Variants in CD96 observed in about 807,000 individuals in gnomAD.
CD96 encodes T-cell surface protein tactile.
Under a neutral mutation model 71.3 loss-of-function variants are expected in CD96, and 70 were observed. The ratio of observed to expected loss-of-function variants is 0.98; its 90% confidence interval spans 0.81 to 1.20. The LOEUF (loss-of-function observed/expected upper bound fraction) is 1.20, where lower values mean the gene tolerates loss of function less well. CD96 is among the 50% of genes most tolerant of loss of function. CD96 has a pLI of 0.00. For synonymous variants in CD96, 248 were observed against 233.0 expected (o/e 1.06, Z -0.59); for missense variants, 742 against 677.5 (o/e 1.10, Z -1.06).
chr3:111,647,778 T>G (rs1243644645), intron 13 of CD96, 112 bp downstream of exon 13: 1 of 802,904 alleles, frequency 1.2e-6, no homozygotes, highest in Admixed American at 2.0e-5. Flanking sequence ...AATGGGGAAA[T>G]AATGCTCACA....
rs1386522813 is a variant in CD96 at position 111,651,854 on chromosome 3, A to G, written c.*2048A>G. ...CCGAGATTGTGCCACTGCACACTCCAATCTGGGTGAAAGACCGAGACTCCG... is the reference window on the plus strand; with the variant it reads ...CCGAGATTGTGCCACTGCACACTCCGATCTGGGTGAAAGACCGAGACTCCG... On this transcript the variant is annotated 3_prime_UTR_variant, in exon 14 of 14. Transcript: ENST00000352690. 6.6e-6 allele frequency: 1 copy of G among 150,974 alleles called. No homozygotes were observed. Among genetic ancestry groups the G allele is most frequent in the African/African-American group, 2.5e-5 (1 of 40,814 alleles). 9.4% of individuals were successfully genotyped at this position (150,974 alleles called of 1,614,324 possible). A position where few individuals can be genotyped will look rare whatever the true frequency, so the allele number is the denominator to read the frequency against.
intron 12 of CD96, among the ~76,000 whole-genome samples, chr3:111,639,400 A>T (rs557750389): frequency 6.6e-6 from 1 of 152,268 alleles, no homozygotes; most frequent in East Asian, 1.9e-4. Context: ...CAGCAAAGGC[A>T]GTCATAATTC....
intron 2 of CD96, among the ~76,000 whole-genome samples, chr3:111,546,345 T>G (rs905929834): frequency 6.6e-6 from 1 of 152,136 alleles, no homozygotes; most frequent in Admixed American, 6.6e-5. Context: ...GTATACAATA[T>G]TTAGTCTAGG....
chr3:111,592,032 T>G (rs1937013055), intron 5 of CD96, among the ~76,000 whole-genome samples: 1 of 152,164 alleles, frequency 6.6e-6, no homozygotes, highest in Non-Finnish European at 1.5e-5. Flanking sequence ...TCTGAGATAA[T>G]GGGATGCTGT....
chr3:111,655,476 A>G (rs1940206801), downstream of CD96, among the ~76,000 whole-genome samples: 1 of 152,220 alleles, frequency 6.6e-6, no homozygotes, highest in Non-Finnish European at 1.5e-5. Context: ...AATAATAAAG[A>G]AAAAGGTATG....
intron 2 of CD96, among the ~76,000 whole-genome samples, chr3:111,550,906 G>C (rs777407495): frequency 2.0e-5 from 3 of 152,188 alleles, no homozygotes; most frequent in Admixed American, 1.3e-4. Flanking sequence ...TTGGCTGCTT[G>C]AGTCTGGGCA....
chr3:111,561,135 T>G (rs1190505319), intron 2 of CD96, among the ~76,000 whole-genome samples: 6 of 118,650 alleles, frequency 5.1e-5, no homozygotes, highest in Non-Finnish European at 7.0e-5. Flanking sequence ...AGTTTTCAAC[T>G]TCTTTGCCTT....
chr3:111,569,119 AT>A (rs1026175262), intron 3 of CD96, among the ~76,000 whole-genome samples: 1 of 152,200 alleles, frequency 6.6e-6, no homozygotes, highest in African/African-American at 2.4e-5. Context: ...AGCTACCTAG[AT>A]TTTTGTGGAC....
chr3:111,604,742 T>A (rs1295132657), intron 7 of CD96, among the ~76,000 whole-genome samples: 8 of 152,256 alleles, frequency 5.3e-5, no homozygotes, highest in Non-Finnish European at 1.2e-4. Flanking sequence ...ATATCTTCTG[T>A]TCCAGGAACT....
intron 3 of CD96, chr3:111,577,616 C>T: frequency 1.0e-6 from 1 of 1,000,680 alleles, no homozygotes; most frequent in Non-Finnish European, 1.6e-6. Context: ...TAACACAATA[C>T]TATCTGTATG....
At chr3:111,545,456 A>G in intron 2 of CD96, 54 bp downstream of exon 2, 1 of 1,187,502 alleles carries the variant, frequency 8.4e-7, no homozygotes, top group Non-Finnish European at 1.3e-6. Flanking sequence ...CTCATTCAAC[A>G]AATGTACATT....
At position 111,562,074 on chromosome 3, in the gene CD96, C is replaced by T. The variant is rs932622762; in HGVS notation, c.419-5449C>T. On this transcript the variant is annotated intron_variant, in intron 2 of 13. Transcript: ENST00000352690. ...GCCTCGCCCTGCTTCGGCTCCCGCA[C>T]GGTGCGCGCACCCACTGGCCTGCGC... Among the ~76,000 whole-genome samples, 9 of 152,362 alleles carry T rather than the reference C, an allele frequency of 5.9e-5. No homozygotes were observed. The South Asian group carries it at 6.2e-4, about 11-fold the overall frequency.
At chr3:111,633,146 T>C (rs1381379775) in intron 10 of CD96, among the ~76,000 whole-genome samples, 1 of 152,132 alleles carries the variant, frequency 6.6e-6, no homozygotes, top group Non-Finnish European at 1.5e-5. Flanking sequence ...TTTAGGATTA[T>C]TAATTGGCCT....
intron 12 of CD96, among the ~76,000 whole-genome samples, chr3:111,642,919 T>C (rs937011660): frequency 2.2e-5 from 3 of 138,394 alleles, no homozygotes; most frequent in Non-Finnish European, 4.6e-5. Flanking sequence ...ACCAATCCTA[T>C]TGACACTATC....
rs536850203 is a variant in CD96 at position 111,609,508 on chromosome 3, C to A, written c.1180+2716C>A. On this transcript the variant is annotated intron_variant, in intron 8 of 13. Coordinates refer to ENST00000352690, the MANE Select transcript of CD96 (RefSeq NM_005816.5). ...GCTAGTTAAAAGCAGACATGAATTT[C>A]TTCTAGTTGCATTTTTATGGGGTTA... 4.6e-5 allele frequency among the ~76,000 whole-genome samples: 7 copies of A among 152,192 alleles called. No homozygotes were observed. The South Asian group carries it at 1.2e-3, about 27-fold the overall frequency.
At chr3:111,578,814 G>A (rs1005775754) in intron 3 of CD96, among the ~76,000 whole-genome samples, 4 of 152,164 alleles carry the variant, frequency 2.6e-5, no homozygotes, top group African/African-American at 4.8e-5. Context: ...AGAACAGAAT[G>A]CTTCCATTTG....
chr3:111,585,742 T>G (rs558292037), intron 5 of CD96, among the ~76,000 whole-genome samples: 1 of 152,324 alleles, frequency 6.6e-6, no homozygotes, highest in African/African-American at 2.4e-5. Flanking sequence ...AGCTGACGTT[T>G]AATTTGTTCT....
chr3:111,568,263 G>C (rs186228737), intron 3 of CD96, among the ~76,000 whole-genome samples: 1 of 152,154 alleles, frequency 6.6e-6, no homozygotes, highest in East Asian at 1.9e-4. Flanking sequence ...CAGAAATCTG[G>C]ATTTTTATGA....
In CD96 at chr3:111,638,156, G is replaced by T. The variant is rs372441714; in HGVS notation, c.1465G>T (p.Val489Phe). 1.9e-6 allele frequency: 3 copies of T among 1,590,676 alleles called. No homozygotes were observed. The highest frequency in any genetic ancestry group is 2.6e-6 in the Non-Finnish European group (3 of 1,158,860). Residue 489 changes from valine (V) to phenylalanine (F), a missense_variant, in exon 12 of 14, where the codon GTC becomes TTC. Coordinates refer to ENST00000352690, the MANE Select transcript of CD96 (RefSeq NM_005816.5). ...TANGSTKTNH[V>F]HITGIVVNKP... ...CAATGGATCTACGAAAACTAATCAC[G>T]TCCATATCACTGGTAAGTCATTTAT...
Sources: allele counts gnomAD v4.1 joint callset (sites outside exome capture counted in the v4.1 genomes callset), GRCh38; gene constraint gnomAD v4.1.1; transcripts MANE v1.5; gene names NCBI Gene and HGNC (gene_info 2026-07-23, HGNC 2026-07-21).